Variants in KYNU observed in about 807,000 individuals in gnomAD.
The protein encoded by KYNU is kynureninase.
KYNU carries 54 observed loss-of-function variants against 59.2 expected under a neutral mutation model. The observed-to-expected ratio is 0.91, with a 90% CI of 0.73 to 1.14. The LOEUF (loss-of-function observed/expected upper bound fraction) is 1.14, where lower values mean the gene tolerates loss of function less well. Ranked by LOEUF, KYNU falls within the 50% of genes most tolerant of loss-of-function variation. The probability of loss-of-function intolerance (pLI) is 0.00; values close to 1 mark genes in which losing one functional copy is unlikely to be tolerated. For synonymous variants in KYNU, 177 were observed against 192.0 expected (o/e 0.92, Z 0.65); for missense variants, 567 against 554.4 (o/e 1.02, Z -0.23).
At chr2:143,036,566 A>G (rs1374134565) in intron 12 of KYNU, among the ~76,000 whole-genome samples, 1 of 152,238 alleles carries the variant, frequency 6.6e-6, no homozygotes, top group Non-Finnish European at 1.5e-5. Flanking sequence ...TTTAGGCTAA[A>G]TTGTGGGAGC....
At chr2:143,032,297 A>C (rs60431337) in intron 11 of KYNU, among the ~76,000 whole-genome samples, 17,902 of 85,304 alleles carry the variant, frequency 0.21, 1,182 homozygotes, top group East Asian at 0.33. Flanking sequence ...AACAAAAAAA[A>C]AAAACAAAAC....
chr2:142,891,994 C>T (rs1456999213), intron 2 of KYNU, among the ~76,000 whole-genome samples: 2 of 151,968 alleles, frequency 1.3e-5, no homozygotes, highest in African/African-American at 4.8e-5. Context: ...CTCAGAGCAA[C>T]CTCCACCCCC....
Position 143,046,746 on chromosome 2 carries a change from C to T in KYNU, c.*4574C>T, listed in dbSNP as rs1026926384. 2 of 151,930 alleles carry T rather than the reference C, an allele frequency of 1.3e-5. No individual in the cohort carries two copies. The highest frequency in any genetic ancestry group is 4.8e-5 in the African/African-American group (2 of 41,384). 9.4% of individuals were successfully genotyped at this position (151,930 alleles called of 1,614,324 possible). A position where few individuals can be genotyped will look rare whatever the true frequency, so the allele number is the denominator to read the frequency against. ...TCAGCTTCTTTTTATTAAGATTGCC[C>T]TGAATTGTCCTGGTTATCCTGGGCC... On this transcript the variant is annotated 3_prime_UTR_variant, in exon 14 of 14. Transcript: ENST00000264170.
rs61229238 is a variant in KYNU, at chr2:143,047,852, C to CTTTTTTTTTTTTTTTTTTT, written c.*5688_*5706dup. ...GGCATAAGCTGCCACTCCTGGACCT[C>CTTTTTTTTTTTTTTTTTTT]TTTTTTTTTTTTTTTTTTTTTTTTT... On this transcript the variant is annotated 3_prime_UTR_variant, in exon 14 of 14. Coordinates refer to ENST00000264170, the MANE Select transcript of KYNU (RefSeq NM_003937.3). 39 of 100,336 alleles carry CTTTTTTTTTTTTTTTTTTT rather than the reference C, an allele frequency of 3.9e-4. 15 individuals carry two copies. Among genetic ancestry groups the CTTTTTTTTTTTTTTTTTTT allele is most frequent in the Non-Finnish European group, 3.0e-4 (16 of 52,724 alleles). The allele number at this position is 100,336 out of a possible 1,614,324, so 6.2% of individuals were successfully genotyped here.
intron 8 of KYNU, 137 bp from the exon 9 acceptor site, chr2:142,984,947 C>T: frequency 1.4e-6 from 1 of 695,316 alleles, no homozygotes; most frequent in Non-Finnish European, 2.7e-6. Flanking sequence ...ATGGATCATA[C>T]TTTGTGAACC....
At position 142,965,683 on chromosome 2, in the gene KYNU, C is replaced by G. The variant is rs1030299673; in HGVS notation, c.729+4913C>G. 3.9e-5 allele frequency among the ~76,000 whole-genome samples: 6 copies of G among 152,254 alleles called. No homozygotes were observed. In the East Asian group the frequency reaches 1.2e-3, roughly 29 times the overall value. ...TTCCCAGAAAAAAACCTAGCAGATTCCTGCTAATGACTCACTGCTTCCTGA... is the reference window on the plus strand; with the variant it reads ...TTCCCAGAAAAAAACCTAGCAGATTGCTGCTAATGACTCACTGCTTCCTGA... On this transcript the variant is annotated intron_variant, in intron 8 of 13. Coordinates refer to ENST00000264170, the MANE Select transcript of KYNU (RefSeq NM_003937.3).
Position 142,942,895 on chromosome 2 carries a change from G to T in KYNU, c.374-11915G>T, listed in dbSNP as rs1192250835. 3.3e-5 allele frequency among the ~76,000 whole-genome samples: 5 copies of T among 152,162 alleles called. No individual in the cohort carries two copies. The East Asian group carries it at 9.6e-4, about 29-fold the overall frequency. On this transcript the variant is annotated intron_variant, in intron 4 of 13. Transcript: ENST00000264170. Reference sequence around the variant, plus strand: ...ACTTGGGAGGGGCTGCATGTGCAGTGTGTTTACTGGAGATATGTGCATACT... The same window carrying T: ...ACTTGGGAGGGGCTGCATGTGCAGTTTGTTTACTGGAGATATGTGCATACT...
At chr2:142,899,250 G>A (rs1225257011) in intron 2 of KYNU, among the ~76,000 whole-genome samples, 1 of 152,148 alleles carries the variant, frequency 6.6e-6, no homozygotes, top group Non-Finnish European at 1.5e-5. Flanking sequence ...CTGCTTGAAT[G>A]CCTGAGTTTA....
intron 10 of KYNU, 111 bp downstream of exon 10, chr2:142,986,132 G>A: frequency 1.3e-6 from 1 of 743,030 alleles, no homozygotes; most frequent in Non-Finnish European, 2.4e-6. Context: ...AATTAGGATT[G>A]GATTATAATT....
chr2:142,899,235 A>G (rs1487504623), intron 2 of KYNU, among the ~76,000 whole-genome samples: 1 of 151,914 alleles, frequency 6.6e-6, no homozygotes. Flanking sequence ...GGGGGTTGCC[A>G]CTCCCTGCTT....
At chr2:142,931,105 G>C (rs112468349) in intron 4 of KYNU, among the ~76,000 whole-genome samples, 3 of 152,172 alleles carry the variant, frequency 2.0e-5, no homozygotes, top group Non-Finnish European at 4.4e-5. Context: ...GCTGTCTTTC[G>C]GTCGGCTCTC....
chr2:143,031,570 A>G (rs1389519661), intron 11 of KYNU, among the ~76,000 whole-genome samples: 1 of 152,166 alleles, frequency 6.6e-6, no homozygotes, highest in East Asian at 1.9e-4. Flanking sequence ...TAAAAACTAC[A>G]GAAATTAGCC....
intron 10 of KYNU, among the ~76,000 whole-genome samples, chr2:142,992,648 A>C (rs1180437338): frequency 6.6e-6 from 1 of 151,862 alleles, no homozygotes; most frequent in Non-Finnish European, 1.5e-5. Flanking sequence ...ACACACATAC[A>C]TCTTTCTATC....
intron 12 of KYNU, among the ~76,000 whole-genome samples, chr2:143,035,890 A>G (rs1398205673): frequency 6.6e-6 from 1 of 152,072 alleles, no homozygotes; most frequent in African/African-American, 2.4e-5. Context: ...TTCCCACCTC[A>G]GCCTCCACAG....
chr2:142,892,262 T>C (rs1681741782), intron 2 of KYNU, among the ~76,000 whole-genome samples: 1 of 152,230 alleles, frequency 6.6e-6, no homozygotes, highest in Admixed American at 6.5e-5. Flanking sequence ...AGTGGACATA[T>C]TTGTAACCTT....
intron 10 of KYNU, among the ~76,000 whole-genome samples, chr2:143,024,744 C>T (rs1686504614): frequency 6.6e-6 from 1 of 152,098 alleles, no homozygotes; most frequent in Non-Finnish European, 1.5e-5. Flanking sequence ...TCGCTCCCAA[C>T]TAACTCAGAG....
chr2:142,985,154 T>C lies in KYNU; in HGVS notation c.800T>C (p.Val267Ala), dbSNP rs765735410. The stretch of plus-strand genomic sequence containing the variant: ...GAACTCTACTTACATGACTGGGGAG[T>C]TGATTTTGCCTGCTGGTGTTCCTAC... ...NVELYLHDWG[V>A]DFACWCSYKY... Residue 267 changes from valine to alanine, a missense_variant, in exon 9 of 14, where the codon GTT becomes GCT. Physicochemically the swap from Val to Ala is moderately conservative, Grantham distance 64. Coordinates refer to ENST00000264170, the MANE Select transcript of KYNU (RefSeq NM_003937.3). 8 of 1,609,804 alleles carry C rather than the reference T, an allele frequency of 5.0e-6. No individual in the cohort carries two copies. The highest frequency in any genetic ancestry group is 5.1e-6 in the Non-Finnish European group (6 of 1,176,748).
chr2:143,004,909 A>T (rs1189051269), intron 10 of KYNU, among the ~76,000 whole-genome samples: 2 of 152,148 alleles, frequency 1.3e-5, no homozygotes, highest in African/African-American at 2.4e-5. Flanking sequence ...CGGGGTCACT[A>T]GTATTATTTT....
chr2:143,044,905 A>T lies in KYNU; in HGVS notation c.*2733A>T, dbSNP rs1325586119. Reference sequence around the variant, plus strand: ...TGTTTTAGTCTTAAATTCTTTGCCCATGCCTATGTCCTGAATGGTATTGCC... The same window carrying T: ...TGTTTTAGTCTTAAATTCTTTGCCCTTGCCTATGTCCTGAATGGTATTGCC... On this transcript the variant is annotated 3_prime_UTR_variant, in exon 14 of 14. Coordinates refer to ENST00000264170, the MANE Select transcript of KYNU (RefSeq NM_003937.3). 2.0e-5 allele frequency: 3 copies of T among 148,510 alleles called. No homozygotes were observed. Among genetic ancestry groups the T allele is most frequent in the Non-Finnish European group, 1.5e-5 (1 of 67,472 alleles). 9.2% of individuals were successfully genotyped at this position (148,510 alleles called of 1,614,324 possible).
Sources: allele counts gnomAD v4.1 joint callset (sites outside exome capture counted in the v4.1 genomes callset), GRCh38; gene constraint gnomAD v4.1.1; transcripts MANE v1.5; gene names NCBI Gene and HGNC (gene_info 2026-07-23, HGNC 2026-07-21).